The following CTU1 variants were observed in gnomAD, a reference collection of about 807,000 sequenced individuals.
The protein encoded by CTU1 is cytoplasmic tRNA 2-thiolation protein 1.
In CTU1, 15 loss-of-function variants were observed where a neutral mutation model predicts 12.9. The observed-to-expected ratio is 1.16, with a 90% CI of 0.78 to 1.79. The LOEUF (loss-of-function observed/expected upper bound fraction) is 1.79. CTU1 is among the 40% of genes most tolerant of loss of function. The pLI is 0.00. For synonymous variants in CTU1, 295 were observed against 275.6 expected, an observed-to-expected ratio of 1.07 and a Z score of -0.70; for missense variants, 553 against 550.5, an observed-to-expected ratio of 1.00 and a Z score of -0.05.
At position 51,104,112 on chromosome 19, in the gene CTU1, C is replaced by G; in HGVS notation, c.458G>C (p.Arg153Pro). The G allele has an allele frequency of 6.8e-7, 1 of 1,480,606 alleles. No homozygotes were observed. The highest frequency in any genetic ancestry group is 8.8e-7 in the Non-Finnish European group (1 of 1,132,384). The allele number at this position is 1,480,606 out of a possible 1,614,324, so 91.7% of individuals were successfully genotyped here. The part of the protein sequence containing the change: ...CCTFCGVLRR[R>P]ALEEGARRVG... ...GCGGCGCGCCCCTTCCTCCAGCGCC[C>G]GGCGCCGCAGCACTCCACAGAAGGT... Residue 153 changes from arginine (R) to proline (P), a missense_variant, in exon 2 of 3, where the codon CGG becomes CCG. By Grantham distance (103) the Arg-to-Pro change is moderately radical. Around this residue, in one of 2 missense-constraint regions of CTU1, gnomAD observed 500 missense variants for 458.5 expected, o/e 1.09. Coordinates refer to ENST00000421832, the MANE Select transcript of CTU1 (RefSeq NM_145232.4).
At chr19:51,107,603 A>G (rs186782484) in intron 1 of CTU1, among the ~76,000 whole-genome samples, 4 of 152,264 alleles carry the variant, frequency 2.6e-5, no homozygotes, top group Admixed American at 1.3e-4. Flanking sequence ...TTTTGGATCT[A>G]TTTTGAAGGT....
chr19:51,098,501 C>G lies in CTU1; in HGVS notation c.*100G>C, dbSNP rs547458356. The G allele has an allele frequency of 2.8e-5, 31 of 1,107,912 alleles. No homozygotes were observed. The African/African-American group carries it at 4.8e-4, about 17-fold the overall frequency. The allele number at this position is 1,107,912 out of a possible 1,614,324, so 68.6% of individuals were successfully genotyped here. A position where few individuals can be genotyped will look rare whatever the true frequency, so the allele number is the denominator to read the frequency against. ...ATGGGCCCCCGTCTCCTTCCCAACC[C>G]CACATGGAAGGCCAGGTAAGGTAAC... On this transcript the variant is annotated 3_prime_UTR_variant, in exon 3 of 3. Transcript: ENST00000421832. The surrounding 1 kb of genome is among the most constrained non-coding windows in gnomAD (Gnocchi z 4.3).
intron 2 of CTU1, among the ~76,000 whole-genome samples, chr19:51,100,447 C>A (rs1410901168): frequency 6.6e-6 from 1 of 152,076 alleles, no homozygotes; most frequent in African/African-American, 2.4e-5. Flanking sequence ...CCCATCTCTA[C>A]TAAAAATACA....
intron 2 of CTU1, 47 bp downstream of exon 2, chr19:51,104,015 C>T: frequency 7.1e-7 from 1 of 1,402,686 alleles, no homozygotes; most frequent in Non-Finnish European, 9.2e-7. Flanking sequence ...TGTGCATTCG[C>T]CCCACTGCCT....
chr19:51,098,612 G>A lies in CTU1; in HGVS notation c.1036C>T (p.Pro346Ser), dbSNP rs551731574. Residue 346 changes from proline to serine, a missense_variant, in exon 3 of 3, where the codon CCC becomes TCC. Physicochemically the swap from Pro to Ser is moderately conservative, Grantham distance 74. Transcript: ENST00000421832. This position sits in a 1 kb window ranked among gnomAD's most constrained non-coding sequence, Gnocchi z 4.3. ...PARPPASKAV[P>S]TF ...GAGGCCCGAAGTCGCTAGAAGGTGG[G>A]GACGGCCTTGGAGGCGGGGGGCCGG... 1.6e-4 allele frequency: 209 copies of A among 1,301,504 alleles called. No homozygotes were observed. In the East Asian group the frequency reaches 6.4e-3, roughly 40 times the overall value. 80.6% of individuals were successfully genotyped at this position (1,301,504 alleles called of 1,614,324 possible).
intron 2 of CTU1, among the ~76,000 whole-genome samples, chr19:51,099,474 AC>A (rs1420978871): frequency 1.3e-5 from 2 of 151,954 alleles, no homozygotes; most frequent in African/African-American, 2.4e-5. Context: ...CCCTCCGGGA[AC>A]CGTGAAGCAG....
chr19:51,104,487 G>T lies in CTU1; in HGVS notation c.83C>A (p.Ala28Asp). 6 of 1,315,258 alleles carry T rather than the reference G, an allele frequency of 4.6e-6. No individual in the cohort carries two copies. Among genetic ancestry groups the T allele is most frequent in the Non-Finnish European group, 5.8e-6 (6 of 1,034,948 alleles). 81.5% of individuals were successfully genotyped at this position (1,315,258 alleles called of 1,614,324 possible). A position where few individuals can be genotyped will look rare whatever the true frequency, so the allele number is the denominator to read the frequency against. Residue 28 changes from alanine (A) to aspartate (D), a missense_variant, in exon 2 of 3, where the codon GCC becomes GAC. Physicochemically the swap from Ala to Asp is moderately radical, Grantham distance 126 (BLOSUM62 -2). Coordinates refer to ENST00000421832, the MANE Select transcript of CTU1 (RefSeq NM_145232.4). Reference protein sequence around the residue: ...RPLSGQALCGACFCAAFEAEV... With the variant: ...RPLSGQALCGDCFCAAFEAEV... ...GGCCTCGAAGGCGGCGCAGAAGCAG[G>T]CACCGCACAGCGCTTGGCCCGAGAG...
At chr19:51,102,584 G>A (rs1047303507) in intron 2 of CTU1, among the ~76,000 whole-genome samples, 3 of 152,198 alleles carry the variant, frequency 2.0e-5, no homozygotes, top group Non-Finnish European at 4.4e-5. Flanking sequence ...GCTTCCCACT[G>A]ACTGGTCTCC....
At chr19:51,107,266 G>C (rs1431754563) in intron 1 of CTU1, among the ~76,000 whole-genome samples, 1 of 152,068 alleles carries the variant, frequency 6.6e-6, no homozygotes, top group African/African-American at 2.4e-5. Flanking sequence ...AGGATTCCTA[G>C]ACTGGTCAAC....
intron 2 of CTU1, among the ~76,000 whole-genome samples, chr19:51,100,503 G>A (rs2091904760): frequency 6.6e-6 from 1 of 152,070 alleles, no homozygotes; most frequent in African/African-American, 2.4e-5. Flanking sequence ...CCCAGCTGAG[G>A]CATGAGAATC....
intron 1 of CTU1, 35 bp from the exon 2 acceptor site, chr19:51,104,625 G>T: frequency 8.2e-7 from 1 of 1,218,012 alleles, no homozygotes; most frequent in South Asian, 3.9e-5. Context: ...GGTTACATAT[G>T]GATTCCGGAT....
chr19:51,107,833 TCGAG>T (rs1304814862), intron 1 of CTU1, among the ~76,000 whole-genome samples: 1 of 152,050 alleles, frequency 6.6e-6, no homozygotes, highest in Non-Finnish European at 1.5e-5. Context: ...CGTCACTGAG[TCGAG>T]CGCCTCCACC....
chr19:51,098,904 G>C lies in CTU1; in HGVS notation c.744C>G (p.Ala248=). The change falls in exon 3 of 3, where the codon GCC becomes GCG. Residue 248 remains alanine (A), a synonymous_variant. Transcript: ENST00000421832. The surrounding 1 kb of genome is among the most constrained non-coding windows in gnomAD (Gnocchi z 4.3). ...VYAPEAFRGH[A]RDLLKRLEAA... is the part of the protein sequence containing the mutation. ...CCTCCAGGCGCTTGAGCAGGTCCCGGGCGTGGCCGCGGAAGGCCTCGGGCG... is the reference window on the plus strand; with the variant it reads ...CCTCCAGGCGCTTGAGCAGGTCCCGCGCGTGGCCGCGGAAGGCCTCGGGCG... The C allele has an allele frequency of 8.6e-6, 13 of 1,510,390 alleles. No individual in the cohort carries two copies. The highest frequency in any genetic ancestry group is 1.1e-5 in the Non-Finnish European group (13 of 1,132,768). 93.6% of individuals were successfully genotyped at this position (1,510,390 alleles called of 1,614,324 possible).
chr19:51,098,990 CCTT>C lies in CTU1; in HGVS notation c.655_657del (p.Lys219del), dbSNP rs760133218. Reference sequence around the variant, plus strand: ...CGGAAGTGCGCGTACAGCACCACCTCCTTCTGCGAGGCGAACTGCAGCGGGCGG... The same window carrying C: ...CGGAAGTGCGCGTACAGCACCACCTCCTGCGAGGCGAACTGCAGCGGGCGG... On this transcript the variant is annotated inframe_deletion, in exon 3 of 3. Transcript: ENST00000421832. This position sits in a 1 kb window ranked among gnomAD's most constrained non-coding sequence, Gnocchi z 4.3. 6.5e-6 allele frequency: 10 copies of C among 1,541,422 alleles called. No individual in the cohort carries two copies. In the East Asian group the frequency reaches 2.5e-4, roughly 38 times the overall value.
In CTU1 at chr19:51,098,922, C is replaced by A. The variant is rs772400575; in HGVS notation, c.726G>T (p.Glu242Asp). 2.7e-5 allele frequency: 41 copies of A among 1,529,276 alleles called. No homozygotes were observed. Among genetic ancestry groups the A allele is most frequent in the Non-Finnish European group, 3.2e-5 (36 of 1,142,752 alleles). The allele number at this position is 1,529,276 out of a possible 1,614,324, so 94.7% of individuals were successfully genotyped here. A position where few individuals can be genotyped will look rare whatever the true frequency, so the allele number is the denominator to read the frequency against. The change falls in exon 3 of 3, where the codon GAG (glutamate) becomes GAT (aspartate). Residue 242 changes from glutamate (E) to aspartate (D), a missense_variant. Transcript: ENST00000421832. This position sits in a 1 kb window ranked among gnomAD's most constrained non-coding sequence, Gnocchi z 4.3. ...YFSEECVYAP[E>D]AFRGHARDLL... The stretch of plus-strand genomic sequence containing the variant: ...GGTCCCGGGCGTGGCCGCGGAAGGC[C>A]TCGGGCGCGTAGACGCACTCCTCGG...
At chr19:51,105,947 G>A (rs2091919807) in intron 1 of CTU1, among the ~76,000 whole-genome samples, 1 of 152,202 alleles carries the variant, frequency 6.6e-6, no homozygotes, top group Non-Finnish European at 1.5e-5. Flanking sequence ...ACTTAGGACC[G>A]TCTCCACGGC....
Position 51,104,408 on chromosome 19 carries a change from C to A in CTU1, c.162G>T (p.Val54=). ...CCTTGCCGCCCGAGGCGCCCACGGC[C>A]ACCACCGCGCCGGGCGGCAGCAGGC... The part of the protein sequence containing the change: ...AGRLLPPGAV[V]AVGASGGKDS... Residue 54 remains valine, a synonymous_variant, in exon 2 of 3, where the codon GTG becomes GTT. Coordinates refer to ENST00000421832, the MANE Select transcript of CTU1 (RefSeq NM_145232.4). 1 of 1,225,478 alleles carries A rather than the reference C, an allele frequency of 8.2e-7. No homozygotes were observed. The highest frequency in any genetic ancestry group is 2.4e-5 in the South Asian group (1 of 41,004). 75.9% of individuals were successfully genotyped at this position (1,225,478 alleles called of 1,614,324 possible).
rs56150506 is a variant in CTU1, at chr19:51,106,672, AT to A, written c.-22+1674del. 5.7e-3 allele frequency among the ~76,000 whole-genome samples: 782 copies of A among 136,154 alleles called. 4 individuals are homozygous for A. Among genetic ancestry groups the A allele is most frequent in the African/African-American group, 0.013 (482 of 36,880 alleles). 89.3% of individuals were successfully genotyped at this position (136,154 alleles called of 152,430 possible). A position where few individuals can be genotyped will look rare whatever the true frequency, so the allele number is the denominator to read the frequency against. On this transcript the variant is annotated intron_variant, in intron 1 of 2. Coordinates refer to ENST00000421832, the MANE Select transcript of CTU1 (RefSeq NM_145232.4). ...AGGCGTGTACCACCATGCCTGGCTA[AT>A]TTTTTTTTTTTTTTTTGTATTTTTA...
chr19:51,106,672 A>ATTTTTTTTTTTT (rs56150506), intron 1 of CTU1, among the ~76,000 whole-genome samples: 1 of 136,236 alleles, frequency 7.3e-6, no homozygotes. Flanking sequence ...TGCCTGGCTA[A>ATTTTTTTTTTTT]TTTTTTTTTT....
Sources: gnomAD v4.1 joint callset for allele counts (sites outside exome capture counted in the v4.1 genomes callset) on GRCh38, gnomAD v4.1.1 for gene constraint, gnomAD v4.1.1 regional missense constraint, Gnocchi (gnomAD v3.1) non-coding constraint, MANE v1.5 for transcripts, NCBI Gene and HGNC (gene_info 2026-07-23, HGNC 2026-07-21) for gene names.